The following ST6GALNAC3 variants were observed in gnomAD, a reference collection of about 807,000 sequenced individuals.
ST6GALNAC3 encodes the protein alpha-N-acetylgalactosaminide alpha-2,6-sialyltransferase 3.
ST6GALNAC3 carries 25 observed loss-of-function variants against 32.7 expected under a neutral mutation model. The ratio of observed to expected loss-of-function variants is 0.76; its 90% CI spans 0.56 to 1.07. The LOEUF (loss-of-function observed/expected upper bound fraction) is 1.07. Ranked by LOEUF, ST6GALNAC3 falls within the 50% of genes least tolerant of loss-of-function variation. The pLI, the probability that ST6GALNAC3 is intolerant of heterozygous loss-of-function variation, is 0.00. For missense variants in ST6GALNAC3, 355 were observed against 382.4 expected, an observed-to-expected ratio of 0.93 and a Z score of 0.60; for synonymous variants, 129 against 133.1, an observed-to-expected ratio of 0.97 and a Z score of 0.21.
intron 4 of ST6GALNAC3, 124 bp from the exon 5 acceptor site, chr1:76,628,496 G>A (rs1649116402): frequency 4.3e-6 from 4 of 923,832 alleles, no homozygotes; most frequent in Admixed American, 3.4e-5. Flanking sequence ...CTGAGTTCAT[G>A]GACAAGAATC....
chr1:76,562,503 A>G (rs1410953236), intron 3 of ST6GALNAC3, among the ~76,000 whole-genome samples: 1 of 152,176 alleles, frequency 6.6e-6, no homozygotes, highest in African/African-American at 2.4e-5. Flanking sequence ...CACCCACTTG[A>G]TAGCCACTTT....
At chr1:76,599,717 C>CTTGTGTGTGT (rs1180456019) in intron 3 of ST6GALNAC3, among the ~76,000 whole-genome samples, 17 of 142,104 alleles carry the variant, frequency 1.2e-4, no homozygotes, top group African/African-American at 4.4e-4. Flanking sequence ...ACTACCGTAT[C>CTTGTGTGTGT]GTGTGTGTGT....
rs1264885661 is a variant in ST6GALNAC3, at chr1:76,633,514, T to G, written c.*4708T>G. 1 of 152,212 alleles carries G rather than the reference T, an allele frequency of 6.6e-6. No individual in the cohort carries two copies. Among genetic ancestry groups the G allele is most frequent in the Non-Finnish European group, 1.5e-5 (1 of 68,040 alleles). The allele number at this position is 152,212 out of a possible 1,614,324, so 9.4% of individuals were successfully genotyped here. ...CAGTTTCTTAGTTTCTCTTTGTGATTGAGGATGAGCAAGCCATTGATACAC... is the reference window on the plus strand; with the variant it reads ...CAGTTTCTTAGTTTCTCTTTGTGATGGAGGATGAGCAAGCCATTGATACAC... On this transcript the variant is annotated 3_prime_UTR_variant, in exon 5 of 5. Transcript: ENST00000328299.
rs79576175 is a variant in ST6GALNAC3, at chr1:76,547,575, G to A, written c.624-79877G>A. 2.6e-3 allele frequency among the ~76,000 whole-genome samples: 402 copies of A among 152,252 alleles called. 1 individual carries two copies. The highest frequency in any genetic ancestry group is 9.2e-3 in the African/African-American group (383 of 41,552). ...AGGGTGTACTTTCTGGACTAATGGT[G>A]TACTTGGTGGACTTCACTTTTAAAT... On this transcript the variant is annotated intron_variant, in intron 3 of 4. Coordinates refer to ENST00000328299, the MANE Select transcript of ST6GALNAC3 (RefSeq NM_152996.4).
intron 1 of ST6GALNAC3, among the ~76,000 whole-genome samples, chr1:76,254,860 T>C (rs2100708615): frequency 6.6e-6 from 1 of 152,050 alleles, no homozygotes. Flanking sequence ...AGAAGAGTGG[T>C]TTTCATAAGG....
intron 3 of ST6GALNAC3, 83 bp from the exon 4 acceptor site, chr1:76,627,369 C>A: frequency 2.3e-6 from 2 of 861,772 alleles, no homozygotes; most frequent in Non-Finnish European, 3.8e-6. Flanking sequence ...TGAAATGTTG[C>A]TCGTTTCTCA....
chr1:76,487,560 A>G lies in ST6GALNAC3; in HGVS notation c.623+75143A>G, dbSNP rs567652715. 7.2e-4 allele frequency among the ~76,000 whole-genome samples: 109 copies of G among 152,230 alleles called. 1 individual carries two copies. The highest frequency in any genetic ancestry group is 7.1e-3 in the Admixed American group (109 of 15,284). On this transcript the variant is annotated intron_variant, in intron 3 of 4. Coordinates refer to ENST00000328299, the MANE Select transcript of ST6GALNAC3 (RefSeq NM_152996.4). ...GCATTCATCGCGTAGTTCTCGTGCC[A>G]TGGTTTTCAGCTCCATCAGGTCATT...
chr1:76,620,797 C>A (rs1005521509), intron 3 of ST6GALNAC3, among the ~76,000 whole-genome samples: 1 of 151,940 alleles, frequency 6.6e-6, no homozygotes, highest in Non-Finnish European at 1.5e-5. Flanking sequence ...TAGCATCCAC[C>A]CATATTGAGT....
intron 3 of ST6GALNAC3, chr1:76,576,791 T>A: frequency 8.0e-7 from 1 of 1,256,406 alleles, no homozygotes; most frequent in Non-Finnish European, 1.1e-6. Flanking sequence ...AGTAGTGATT[T>A]GCATGTCTAA....
intron 1 of ST6GALNAC3, among the ~76,000 whole-genome samples, chr1:76,199,841 C>G (rs1235747723): frequency 6.6e-6 from 1 of 152,188 alleles, no homozygotes; most frequent in African/African-American, 2.4e-5. Flanking sequence ...TGAATTAAAA[C>G]CCTTAGAAGA....
chr1:76,102,686 T>G (rs1647275521), intron 1 of ST6GALNAC3, among the ~76,000 whole-genome samples: 1 of 152,126 alleles, frequency 6.6e-6, no homozygotes. Flanking sequence ...TCTGTGTCAT[T>G]GTTATGTATT....
intron 3 of ST6GALNAC3, among the ~76,000 whole-genome samples, chr1:76,472,340 G>A (rs761858220): frequency 3.5e-4 from 53 of 151,472 alleles, no homozygotes; most frequent in Admixed American, 1.2e-3. Flanking sequence ...CTCTTTTGTC[G>A]TTTCTCTTCA....
chr1:76,224,353 A>T lies in ST6GALNAC3; in HGVS notation c.19-89452A>T, dbSNP rs114181860. ...GTTTATCTATGCATTCCCAGCCCAGAGGAAGGTACTGGCCCAGAGTAAATG... is the reference window on the plus strand; with the variant it reads ...GTTTATCTATGCATTCCCAGCCCAGTGGAAGGTACTGGCCCAGAGTAAATG... On this transcript the variant is annotated intron_variant, in intron 1 of 4. Transcript: ENST00000328299. Among the ~76,000 whole-genome samples, 1,513 of 152,318 alleles carry T rather than the reference A, an allele frequency of 9.9e-3. 25 individuals are homozygous for T. The highest frequency in any genetic ancestry group is 0.013 in the Non-Finnish European group (852 of 68,026).
chr1:76,505,841 C>T (rs991180286), intron 3 of ST6GALNAC3, among the ~76,000 whole-genome samples: 5 of 151,408 alleles, frequency 3.3e-5, no homozygotes, highest in African/African-American at 7.4e-5. Flanking sequence ...CATGGGGCAA[C>T]GTGTGCATGG....
intron 3 of ST6GALNAC3, among the ~76,000 whole-genome samples, chr1:76,481,011 C>G (rs941553104): frequency 2.6e-5 from 4 of 152,112 alleles, no homozygotes; most frequent in African/African-American, 9.7e-5. Context: ...CCACATACTT[C>G]AAACCCTCCT....
At chr1:76,337,271 C>T (rs1343495930) in intron 2 of ST6GALNAC3, among the ~76,000 whole-genome samples, 2 of 152,220 alleles carry the variant, frequency 1.3e-5, no homozygotes, top group African/African-American at 4.8e-5. Context: ...GATGCTTGCC[C>T]AGGCTCTGCA....
At chr1:76,330,001 A>T (rs1393329833) in intron 2 of ST6GALNAC3, among the ~76,000 whole-genome samples, 1 of 151,272 alleles carries the variant, frequency 6.6e-6, no homozygotes, top group Non-Finnish European at 1.5e-5. Flanking sequence ...TAGAGACGTG[A>T]TTTCACCATG....
intron 3 of ST6GALNAC3, among the ~76,000 whole-genome samples, chr1:76,529,316 T>C (rs936590180): frequency 6.6e-6 from 1 of 152,110 alleles, no homozygotes; most frequent in African/African-American, 2.4e-5. Context: ...AGATACCAGA[T>C]GGTAGGGAGA....
intron 3 of ST6GALNAC3, among the ~76,000 whole-genome samples, chr1:76,608,041 C>A (rs939139330): frequency 6.6e-6 from 1 of 152,202 alleles, no homozygotes; most frequent in African/African-American, 2.4e-5. Context: ...CTGTGACAGA[C>A]TCCAACTAAA....
Sources: gnomAD v4.1 joint callset for allele counts (sites outside exome capture counted in the v4.1 genomes callset) on GRCh38, gnomAD v4.1.1 for gene constraint, MANE v1.5 for transcripts, NCBI Gene and HGNC (gene_info 2026-07-23, HGNC 2026-07-21) for gene names.